The following PDE8B variants were observed in gnomAD, a reference collection of about 807,000 sequenced individuals.
PDE8B encodes high affinity cAMP-specific and IBMX-insensitive 3',5'-cyclic phosphodiesterase 8B.
Under a neutral mutation model 101.3 loss-of-function variants are expected in PDE8B, and 26 were observed. The ratio of observed to expected loss-of-function variants is 0.26; its 90% CI spans 0.19 to 0.36. The LOEUF (loss-of-function observed/expected upper bound fraction) is 0.36, where lower values mean the gene tolerates loss of function less well. PDE8B is among the 10% of genes least tolerant of loss of function. The pLI, the probability that PDE8B is intolerant of heterozygous loss-of-function variation, is 1.00. For missense variants in PDE8B, 810 were observed against 1,163.1 expected (o/e 0.70, Z 4.42); for synonymous variants, 424 against 429.3 (o/e 0.99, Z 0.15).
the PDE8B span, chr5:77,089,536 G>C: frequency 1.3e-5 from 2 of 152,166 alleles, no homozygotes; most frequent in South Asian, 2.1e-4. Context: ...TGTCTTCCAC[G>C]AAACCAGTCC....
intron 2 of PDE8B, among the ~76,000 whole-genome samples, chr5:77,317,809 C>T (rs1774092085): frequency 6.6e-6 from 1 of 152,076 alleles, no homozygotes. Flanking sequence ...AAATGGATCC[C>T]CACAGCTGTG....
chr5:77,177,433 A>C, the PDE8B span, among the ~76,000 whole-genome samples: 1 of 136,842 alleles, frequency 7.3e-6, no homozygotes, highest in Middle Eastern at 3.3e-3. Context: ...ATAACAAAAT[A>C]AAACAATCAT....
chr5:77,299,242 T>TTTTTG (rs1769319639), intron 1 of PDE8B, among the ~76,000 whole-genome samples: 1 of 150,686 alleles, frequency 6.6e-6, no homozygotes, highest in South Asian at 2.1e-4. Context: ...AGAGTTGTTT[T>TTTTTG]TTTGTTTGTT....
At chr5:77,118,567 T>G in the PDE8B span, 1 of 394,388 alleles carries the variant, frequency 2.5e-6, no homozygotes, top group Non-Finnish European at 4.5e-6. Context: ...TCTGCTTATT[T>G]CTCAGATCAG....
intron 10 of PDE8B, among the ~76,000 whole-genome samples, chr5:77,363,261 C>G (rs551962120): frequency 1.3e-5 from 2 of 152,242 alleles, no homozygotes; most frequent in Admixed American, 6.5e-5. Context: ...GTGGCAGAAC[C>G]AGGATTCTAA....
chr5:77,302,939 T>C (rs1770307667), intron 1 of PDE8B, among the ~76,000 whole-genome samples: 1 of 152,214 alleles, frequency 6.6e-6, no homozygotes, highest in African/African-American at 2.4e-5. Flanking sequence ...CAAGGTCCCC[T>C]GAGTCCCAGC....
At chr5:77,335,556 TGTGTGTGTGAGA>T (rs1321170524) in intron 5 of PDE8B, among the ~76,000 whole-genome samples, 22 of 136,566 alleles carry the variant, frequency 1.6e-4, no homozygotes, top group African/African-American at 5.5e-4. Context: ...TGTGTGTGTG[TGTGTGTGTGAGA>T]GAGAGAGGAA....
At position 77,427,497 on chromosome 5, in the gene PDE8B, C is replaced by T. The variant is rs1446764988; in HGVS notation, c.*943C>T. ...CCCATGCAGTATGTTGTGCCATGCACCATCTATACGTAATATTTTGGGAGG... is the reference window on the plus strand; with the variant it reads ...CCCATGCAGTATGTTGTGCCATGCATCATCTATACGTAATATTTTGGGAGG... On this transcript the variant is annotated 3_prime_UTR_variant, in exon 22 of 22. Coordinates refer to ENST00000264917, the MANE Select transcript of PDE8B (RefSeq NM_003719.5). The T allele has an allele frequency of 6.6e-6, 1 of 151,916 alleles. No homozygotes were observed. 9.4% of individuals were successfully genotyped at this position (151,916 alleles called of 1,614,324 possible).
chr5:77,397,194 T>C (rs896224525), intron 10 of PDE8B, among the ~76,000 whole-genome samples: 2 of 151,738 alleles, frequency 1.3e-5, no homozygotes, highest in African/African-American at 4.8e-5. Flanking sequence ...CCTGCCTGGC[T>C]AATTTTTGTA....
At chr5:77,411,135 A>AGC (rs1794488389) in intron 14 of PDE8B, 1 of 156,594 alleles carries the variant, frequency 6.4e-6, no homozygotes. Flanking sequence ...AAAGGCAAGC[A>AGC]GCAATGCTCA....
At chr5:77,251,530 G>A (rs1758053896) in intron 1 of PDE8B, among the ~76,000 whole-genome samples, 1 of 152,214 alleles carries the variant, frequency 6.6e-6, no homozygotes, top group South Asian at 2.1e-4. Flanking sequence ...CTTGGGAATT[G>A]TTGGTTCTCC....
rs149515004 is a variant in PDE8B at position 77,385,141 on chromosome 5, C to T, written c.1168-15107C>T. Among the ~76,000 whole-genome samples, 519 of 152,310 alleles carry T rather than the reference C, an allele frequency of 3.4e-3. 5 individuals carry two copies. Among genetic ancestry groups the T allele is most frequent in the African/African-American group, 0.012 (479 of 41,574 alleles). ...GTTGGTAGGCTAGTAATTACTGCCT[C>T]AATTTCAGGACTTGTTATTGGTCTA... is the stretch of plus-strand genomic sequence containing the variant. On this transcript the variant is annotated intron_variant, in intron 10 of 21. Coordinates refer to ENST00000264917, the MANE Select transcript of PDE8B (RefSeq NM_003719.5).
chr5:77,142,542 G>A, the PDE8B span, among the ~76,000 whole-genome samples: 1 of 152,084 alleles, frequency 6.6e-6, no homozygotes, highest in Admixed American at 6.6e-5. Context: ...CTGGTGGCAG[G>A]GGGTTGTCTA....
chr5:77,426,171 T>C, intron 21 of PDE8B: 2 of 589,360 alleles, frequency 3.4e-6, no homozygotes, highest in Non-Finnish European at 6.0e-6. Context: ...TGCAGTGTTT[T>C]TCTGTCGTTG....
chr5:77,313,771 T>TTAAGCCC (rs1773197988), intron 2 of PDE8B, among the ~76,000 whole-genome samples: 1 of 152,218 alleles, frequency 6.6e-6, no homozygotes, highest in African/African-American at 2.4e-5. Context: ...TGGATACTGT[T>TTAAGCCC]TAAGCCCTTT....
the PDE8B span, among the ~76,000 whole-genome samples, chr5:77,178,985 G>T: frequency 6.6e-6 from 1 of 152,184 alleles, no homozygotes; most frequent in African/African-American, 2.4e-5. Flanking sequence ...GTGTCATTTG[G>T]TCACCTTTGC....
chr5:77,378,368 A>G (rs955023495), intron 10 of PDE8B, among the ~76,000 whole-genome samples: 12 of 146,684 alleles, frequency 8.2e-5, no homozygotes, highest in African/African-American at 2.5e-4. Context: ...CTGAGGCAGG[A>G]GAATCGCTTG....
chr5:77,176,192 C>T, the PDE8B span, among the ~76,000 whole-genome samples: 1 of 152,152 alleles, frequency 6.6e-6, no homozygotes, highest in Non-Finnish European at 1.5e-5. Flanking sequence ...ACGCGAAAGC[C>T]ACCTCACTCC....
intron 12 of PDE8B, among the ~76,000 whole-genome samples, chr5:77,406,950 T>G (rs892816189): frequency 1.3e-5 from 2 of 152,144 alleles, no homozygotes. Flanking sequence ...ACCCTAACCA[T>G]GAACTGCCTC....
Sources: gnomAD v4.1 joint callset for allele counts (sites outside exome capture counted in the v4.1 genomes callset) on GRCh38, gnomAD v4.1.1 for gene constraint, MANE v1.5 for transcripts, NCBI Gene and HGNC (gene_info 2026-07-23, HGNC 2026-07-21) for gene names.